The following SRP19 variants were observed in gnomAD, a reference collection of about 807,000 sequenced individuals.
The protein encoded by SRP19 is signal recognition particle 19 kDa protein.
SRP19 carries 11 observed loss-of-function variants against 22.4 expected under a neutral mutation model. That is an observed-to-expected ratio of 0.49 (90% confidence interval 0.31 to 0.81). SRP19 has a LOEUF of 0.81. Among genes scored for constraint, SRP19 ranks in the 40% least tolerant of loss-of-function variants. SRP19 has a pLI of 0.05. For synonymous variants in SRP19, 61 were observed against 57.6 expected, an observed-to-expected ratio of 1.06 and a Z score of -0.27; for missense variants, 168 against 175.9, an observed-to-expected ratio of 0.96 and a Z score of 0.25.
intron 4 of SRP19, among the ~76,000 whole-genome samples, chr5:112,891,176 AG>A (rs1768433343): frequency 6.6e-6 from 1 of 151,876 alleles, no homozygotes; most frequent in African/African-American, 2.4e-5. Flanking sequence ...GGGTTCAAGC[AG>A]TTCTCCTGCC....
At chr5:112,878,336 A>C (rs764162987) in intron 4 of SRP19, 1 of 158,602 alleles carries the variant, frequency 6.3e-6, no homozygotes, top group South Asian at 1.8e-4. Flanking sequence ...TAACATTTCC[A>C]TATGTACATG....
intron 2 of SRP19, among the ~76,000 whole-genome samples, chr5:112,863,902 T>C (rs541001522): frequency 2.0e-5 from 3 of 152,320 alleles, no homozygotes; most frequent in South Asian, 4.1e-4. Flanking sequence ...TGAGCTGAAG[T>C]GATCTGCTGG....
chr5:112,865,676 C>T (rs948554442), intron 4 of SRP19, among the ~76,000 whole-genome samples: 6 of 152,140 alleles, frequency 3.9e-5, no homozygotes, highest in African/African-American at 1.4e-4. Flanking sequence ...TCACTGCAAC[C>T]TCCGACTCCC....
intron 4 of SRP19, among the ~76,000 whole-genome samples, chr5:112,885,905 A>G (rs1031776505): frequency 6.6e-6 from 1 of 152,212 alleles, no homozygotes; most frequent in African/African-American, 2.4e-5. Flanking sequence ...AGATGACTTC[A>G]TTCCAGACCT....
rs930031980 is a variant in SRP19 at position 112,861,337 on chromosome 5, T to G, written c.-40T>G. The G allele has an allele frequency of 2.6e-5, 42 of 1,613,610 alleles. No individual in the cohort carries two copies. Among genetic ancestry groups the G allele is most frequent in the Non-Finnish European group, 3.4e-5 (40 of 1,179,706 alleles). On this transcript the variant is annotated 5_prime_UTR_variant, in exon 1 of 5. Coordinates refer to ENST00000505459, the MANE Select transcript of SRP19 (RefSeq NM_003135.3). ...GGTTCCTCCCGGGTTTCTGCCGGGTTTCTCCCTGCGGCTCCTGGGTTGTTG... is the reference window on the plus strand; with the variant it reads ...GGTTCCTCCCGGGTTTCTGCCGGGTGTCTCCCTGCGGCTCCTGGGTTGTTG...
At chr5:112,897,231 G>C (rs1343999902), downstream of SRP19, 1 of 151,890 alleles carries the variant, frequency 6.6e-6, no homozygotes, top group African/African-American at 2.4e-5. Context: ...CATACACACA[G>C]AGTTCTGTTT....
chr5:112,891,769 A>G (rs1223239483), exon 5 of SRP19: 1 of 1,613,756 alleles, frequency 6.2e-7, no homozygotes, highest in Non-Finnish European at 8.5e-7. Flanking sequence ...TGCTCGACTG[A>G]GAGACTCAGG....
intron 4 of SRP19, among the ~76,000 whole-genome samples, chr5:112,888,449 G>C (rs2150037152): frequency 6.6e-6 from 1 of 152,288 alleles, no homozygotes; most frequent in East Asian, 1.9e-4. Context: ...CTTTCTGAGA[G>C]TCTTGCTCTG....
At chr5:112,875,917 G>C (rs1427185607) in intron 4 of SRP19, among the ~76,000 whole-genome samples, 1 of 151,870 alleles carries the variant, frequency 6.6e-6, no homozygotes, top group Non-Finnish European at 1.5e-5. Flanking sequence ...CGTGGCGGCG[G>C]GTGCGTGTAG....
At chr5:112,880,144 C>CT (rs1257626308) in intron 4 of SRP19, among the ~76,000 whole-genome samples, 1 of 152,066 alleles carries the variant, frequency 6.6e-6, no homozygotes, top group East Asian at 1.9e-4. Flanking sequence ...GGTGTGGTGG[C>CT]TCATGTCTAT....
At chr5:112,897,150 C>T (rs560761603), downstream of SRP19, 2 of 152,088 alleles carry the variant, frequency 1.3e-5, no homozygotes, top group East Asian at 3.9e-4. Flanking sequence ...AAGCAAGACA[C>T]AGAATTATAT....
chr5:112,882,448 A>C (rs1561646265), intron 4 of SRP19, among the ~76,000 whole-genome samples: 1 of 152,164 alleles, frequency 6.6e-6, no homozygotes, highest in Non-Finnish European at 1.5e-5. Context: ...CCCTCACTTC[A>C]TAGTTCTTGC....
intron 4 of SRP19, among the ~76,000 whole-genome samples, chr5:112,865,887 C>T (rs889455831): frequency 1.3e-5 from 2 of 152,104 alleles, no homozygotes; most frequent in African/African-American, 2.4e-5. Context: ...CCACTGCCCC[C>T]GGCCTGATTT....
At chr5:112,865,686 C>T (rs1767579438) in intron 4 of SRP19, among the ~76,000 whole-genome samples, 1 of 152,042 alleles carries the variant, frequency 6.6e-6, no homozygotes. Flanking sequence ...CTCCGACTCC[C>T]TGGTTCAAGC....
intron 4 of SRP19, among the ~76,000 whole-genome samples, chr5:112,880,066 G>T (rs1333907033): frequency 6.6e-6 from 1 of 152,080 alleles, no homozygotes; most frequent in Non-Finnish European, 1.5e-5. Context: ...CCTATGATGA[G>T]AAGAGTTTGC....
At position 112,880,990 on chromosome 5, in the gene SRP19, G is replaced by A. The variant is rs182392860; in HGVS notation, c.302-10613G>A. Among the ~76,000 whole-genome samples the A allele has an allele frequency of 1.8e-4, 27 of 152,140 alleles. No homozygotes were observed. The East Asian group carries it at 5.0e-3, about 28-fold the overall frequency. On this transcript the variant is annotated intron_variant, in intron 4 of 4. Transcript: ENST00000391338. ...CTAAAAATACAAGTATCAGCTGGGC[G>A]TGGTGGCCCACACCTGTAATCACAG...
Position 112,867,781 on chromosome 5 carries a change from AT to A in SRP19, c.*249del, listed in dbSNP as rs1278244361. The A allele has an allele frequency of 1.6e-6, 2 of 1,219,928 alleles. No individual in the cohort carries two copies. Among genetic ancestry groups the A allele is most frequent in the Non-Finnish European group, 2.0e-6 (2 of 977,644 alleles). The allele number at this position is 1,219,928 out of a possible 1,614,324, so 75.6% of individuals were successfully genotyped here. A position where few individuals can be genotyped will look rare whatever the true frequency, so the allele number is the denominator to read the frequency against. ...TCAATGCAGTTTTTTGGAAGAAAAT[AT>A]TTTTAAATGGACAATGGACTGTACA... On this transcript the variant is annotated 3_prime_UTR_variant, in exon 5 of 5. Transcript: ENST00000505459.
downstream of SRP19, chr5:112,893,618 A>C (rs1329418974): frequency 6.5e-6 from 1 of 152,944 alleles, no homozygotes; most frequent in Non-Finnish European, 1.5e-5. Context: ...TTGGGAAAGC[A>C]TGACAGTAGA....
At chr5:112,893,142 G>T, downstream of SRP19, 1 of 779,956 alleles carries the variant, frequency 1.3e-6, no homozygotes, top group East Asian at 3.2e-5. Context: ...AGGTATAGTG[G>T]CTCACACCTG....
Sources: gnomAD v4.1 joint callset for allele counts (sites outside exome capture counted in the v4.1 genomes callset) on GRCh38, gnomAD v4.1.1 for gene constraint, MANE v1.5 for transcripts, NCBI Gene and HGNC (gene_info 2026-07-23, HGNC 2026-07-21) for gene names.